The following CNTNAP2 variants were observed in gnomAD, a reference collection of about 807,000 sequenced individuals.
The protein encoded by CNTNAP2 is contactin associated protein 2, also known as contactin-associated protein-like 2.
In CNTNAP2, 98 loss-of-function variants were observed where a neutral mutation model predicts 155.2. The ratio of observed to expected loss-of-function variants is 0.63; its 90% CI spans 0.54 to 0.75. The LOEUF is 0.75. Ranked by LOEUF, CNTNAP2 falls within the 30% of genes least tolerant of loss-of-function variation. The pLI, the probability that CNTNAP2 is intolerant of heterozygous loss-of-function variation, is 0.00. For synonymous variants in CNTNAP2, 651 were observed against 631.2 expected, an observed-to-expected ratio of 1.03 and a Z score of -0.47; for missense variants, 1,727 against 1,688.1, an observed-to-expected ratio of 1.02 and a Z score of -0.40.
At chr7:147,809,541 C>T (rs1798148106) in intron 13 of CNTNAP2, among the ~76,000 whole-genome samples, 1 of 152,208 alleles carries the variant, frequency 6.6e-6, no homozygotes, top group South Asian at 2.1e-4. Flanking sequence ...TGTAAATTCC[C>T]TTAGCCTTTA....
chr7:147,893,208 A>G (rs1799721107), intron 13 of CNTNAP2, among the ~76,000 whole-genome samples: 1 of 152,234 alleles, frequency 6.6e-6, no homozygotes, highest in South Asian at 2.1e-4. Flanking sequence ...CATCTATGAG[A>G]ATGCCAATAC....
chr7:148,247,055 A>G (rs767777705), intron 20 of CNTNAP2, among the ~76,000 whole-genome samples: 2 of 152,198 alleles, frequency 1.3e-5, no homozygotes, highest in African/African-American at 4.8e-5. Flanking sequence ...TCTGGATAAG[A>G]AAACAAAAAT....
intron 1 of CNTNAP2, among the ~76,000 whole-genome samples, chr7:146,297,505 G>A: frequency 1.3e-5 from 2 of 151,518 alleles, no homozygotes; most frequent in Middle Eastern, 3.4e-3. Context: ...AGCCAAATGA[G>A]GAAAACAAAT....
At chr7:148,342,254 A>C (rs1418320770) in intron 21 of CNTNAP2, among the ~76,000 whole-genome samples, 1 of 152,206 alleles carries the variant, frequency 6.6e-6, no homozygotes, top group Non-Finnish European at 1.5e-5. Context: ...AATGATGACC[A>C]TTCTGCCACT....
intron 3 of CNTNAP2, among the ~76,000 whole-genome samples, chr7:146,990,882 C>T (rs570617868): frequency 5.9e-5 from 9 of 152,056 alleles, no homozygotes; most frequent in South Asian, 2.1e-4. Context: ...AAGGAGAAAA[C>T]GGCCAAGGAA....
intron 21 of CNTNAP2, among the ~76,000 whole-genome samples, chr7:148,380,944 G>A (rs978746754): frequency 1.3e-5 from 2 of 152,240 alleles, no homozygotes; most frequent in African/African-American, 4.8e-5. Context: ...ATGTGAATGA[G>A]GCAGGAACTG....
chr7:148,129,780 C>A (rs1485262778), intron 16 of CNTNAP2, among the ~76,000 whole-genome samples: 1 of 152,206 alleles, frequency 6.6e-6, no homozygotes, highest in African/African-American at 2.4e-5. Flanking sequence ...CTACCATGAA[C>A]AATTCGGCAA....
At chr7:147,054,016 C>T (rs765259477) in intron 4 of CNTNAP2, among the ~76,000 whole-genome samples, 52 of 152,238 alleles carry the variant, frequency 3.4e-4, no homozygotes, top group Admixed American at 2.7e-3. Flanking sequence ...GCGAATTAAT[C>T]GCAGACCTAG....
chr7:148,324,961 A>G (rs996053360), intron 21 of CNTNAP2, among the ~76,000 whole-genome samples: 3 of 152,256 alleles, frequency 2.0e-5, no homozygotes, highest in African/African-American at 7.2e-5. Flanking sequence ...CAGGCAGAGC[A>G]GAAGGTTAAA....
intron 10 of CNTNAP2, among the ~76,000 whole-genome samples, chr7:147,446,586 T>G (rs1797744772): frequency 6.6e-6 from 1 of 152,108 alleles, no homozygotes; most frequent in African/African-American, 2.4e-5. Context: ...AGGACCTAAC[T>G]GTTGTATCTT....
rs186131242 is a variant in CNTNAP2, at chr7:147,546,921, C to A, written c.1778-15217C>A. Among the ~76,000 whole-genome samples, 78 of 152,226 alleles carry A rather than the reference C, an allele frequency of 5.1e-4. No individual in the cohort carries two copies. In the East Asian group the frequency reaches 6.0e-3, roughly 12 times the overall value. On this transcript the variant is annotated intron_variant, in intron 11 of 23. Coordinates refer to ENST00000361727, the MANE Select transcript of CNTNAP2 (RefSeq NM_014141.6). ...GGCCACATCAATTTCTGAGACTAAC[C>A]CTGCTCTGCAGTATCAATGAAACCC...
chr7:146,991,947 T>C (rs1798216081), intron 3 of CNTNAP2, among the ~76,000 whole-genome samples: 1 of 152,152 alleles, frequency 6.6e-6, no homozygotes, highest in African/African-American at 2.4e-5. Context: ...GCTTGAATGA[T>C]GATAGCTGTA....
chr7:146,994,480 A>C (rs1798270790), intron 3 of CNTNAP2, among the ~76,000 whole-genome samples: 1 of 152,158 alleles, frequency 6.6e-6, no homozygotes, highest in Non-Finnish European at 1.5e-5. Flanking sequence ...ATACAATTTA[A>C]ATTTTATAGT....
intron 14 of CNTNAP2, among the ~76,000 whole-genome samples, chr7:147,973,958 T>C (rs1801381562): frequency 6.6e-6 from 1 of 152,186 alleles, no homozygotes; most frequent in South Asian, 2.1e-4. Context: ...TTCAGTATCA[T>C]TGACCAATAA....
chr7:146,222,598 A>T (rs1799224880), intron 1 of CNTNAP2, among the ~76,000 whole-genome samples: 1 of 150,196 alleles, frequency 6.7e-6, no homozygotes. Context: ...ATGTAGGTAT[A>T]TGTGCATGTG....
chr7:146,336,198 TAAAA>T (rs549458592), intron 1 of CNTNAP2, among the ~76,000 whole-genome samples: 1 of 121,630 alleles, frequency 8.2e-6, no homozygotes, highest in Non-Finnish European at 1.8e-5. Flanking sequence ...AAACTCCGTC[TAAAA>T]AAAAAAAAAA....
At chr7:147,404,094 T>G (rs1455438360) in intron 10 of CNTNAP2, among the ~76,000 whole-genome samples, 9 of 152,196 alleles carry the variant, frequency 5.9e-5, no homozygotes, top group Admixed American at 2.0e-4. Context: ...TTACGCATAC[T>G]GTAGGCTTCT....
intron 1 of CNTNAP2, among the ~76,000 whole-genome samples, chr7:146,253,151 C>G (rs1470608940): frequency 6.6e-6 from 1 of 152,182 alleles, no homozygotes; most frequent in Non-Finnish European, 1.5e-5. Context: ...CTTGCCTTCC[C>G]CTCTGTGATT....
chr7:147,858,192 A>G (rs761664630), intron 13 of CNTNAP2, among the ~76,000 whole-genome samples: 88 of 152,136 alleles, frequency 5.8e-4, no homozygotes, highest in Non-Finnish European at 5.3e-4. Flanking sequence ...GGTGCAAGCA[A>G]TTCTCTGCCT....
Sources: gnomAD v4.1 joint callset for allele counts (sites outside exome capture counted in the v4.1 genomes callset) on GRCh38, gnomAD v4.1.1 for gene constraint, MANE v1.5 for transcripts, NCBI Gene and HGNC (gene_info 2026-07-23, HGNC 2026-07-21) for gene names.